Variants in ANKRD44 observed in about 807,000 individuals in gnomAD.
ANKRD44 encodes ankyrin repeat domain 44.
In ANKRD44, 35 loss-of-function variants were observed where a neutral mutation model predicts 116.0. The ratio of observed to expected loss-of-function variants is 0.30; its 90% CI spans 0.23 to 0.40. The LOEUF (loss-of-function observed/expected upper bound fraction) is 0.40, where lower values mean the gene tolerates loss of function less well. Among genes scored for constraint, ANKRD44 ranks in the 10% least tolerant of loss-of-function variants. The probability of loss-of-function intolerance (pLI) is 1.00; values close to 1 mark genes in which losing one functional copy is unlikely to be tolerated. For synonymous variants in ANKRD44, 435 were observed against 461.8 expected, an observed-to-expected ratio of 0.94 and a Z score of 0.74; for missense variants, 1,014 against 1,242.6, an observed-to-expected ratio of 0.82 and a Z score of 2.77.
At chr2:196,977,859 C>T (rs2125862783) in intron 21 of ANKRD44, among the ~76,000 whole-genome samples, 1 of 152,130 alleles carries the variant, frequency 6.6e-6, no homozygotes, top group African/African-American at 2.4e-5. Flanking sequence ...TAGGTATATA[C>T]ACAAGAAATC....
intron 13 of ANKRD44, 68 bp downstream of exon 13, chr2:197,086,612 A>G (rs1332061507): frequency 2.1e-6 from 3 of 1,461,078 alleles, no homozygotes; most frequent in Admixed American, 3.5e-5. Context: ...ACCTAACTTG[A>G]TTACTACATA....
At chr2:197,009,724 T>A (rs2125915369) in intron 18 of ANKRD44, among the ~76,000 whole-genome samples, 1 of 152,264 alleles carries the variant, frequency 6.6e-6, no homozygotes, top group South Asian at 2.1e-4. Flanking sequence ...TGCCGCTGGA[T>A]CCCCCTCGGC....
At chr2:197,019,283 A>G (rs765433415) in intron 17 of ANKRD44, among the ~76,000 whole-genome samples, 5 of 152,218 alleles carry the variant, frequency 3.3e-5, no homozygotes, top group African/African-American at 1.2e-4. Context: ...GCATTTCTAA[A>G]ATAAATTGCT....
chr2:196,987,729 C>G lies in ANKRD44; in HGVS notation c.*1862G>C, dbSNP rs1458667488. 3.2e-5 allele frequency: 32 copies of G among 985,268 alleles called. No homozygotes were observed. Among genetic ancestry groups the G allele is most frequent in the Non-Finnish European group, 3.6e-5 (30 of 829,928 alleles). The allele number at this position is 985,268 out of a possible 1,614,324, so 61.0% of individuals were successfully genotyped here. On this transcript the variant is annotated 3_prime_UTR_variant, in exon 28 of 28. Coordinates refer to ENST00000282272, the MANE Select transcript of ANKRD44 (RefSeq NM_001195144.2). The stretch of plus-strand genomic sequence containing the variant: ...TGTATTTAGCAAAGACAGGCAGACA[C>G]TGGCAAATAAGTAAGTGCAATGAAA...
rs368085985 is a variant in ANKRD44, at chr2:197,083,517, A to G, written c.1317-8T>C. Reference sequence around the variant, plus strand: ...GCATAGTGCAAAGGGGTCCTGAAAAACAAACAGCAATTTATTACTCCATTC... The same window carrying G: ...GCATAGTGCAAAGGGGTCCTGAAAAGCAAACAGCAATTTATTACTCCATTC... On this transcript the variant is annotated splice_polypyrimidine_tract_variant and splice_region_variant and intron_variant, in intron 13 of 27. Transcript: ENST00000282272. The G allele has an allele frequency of 1.9e-6, 3 of 1,608,530 alleles. No homozygotes were observed. Among genetic ancestry groups the G allele is most frequent in the African/African-American group, 1.3e-5 (1 of 74,856 alleles).
intron 1 of ANKRD44, among the ~76,000 whole-genome samples, chr2:197,309,701 T>C (rs2084183974): frequency 6.6e-6 from 1 of 152,210 alleles, no homozygotes; most frequent in African/African-American, 2.4e-5. Context: ...CGTTTCCTTT[T>C]TTCGTGGAAA....
rs182272539 is a variant in ANKRD44, at chr2:197,220,109, A to T, written c.28-33003T>A. Among the ~76,000 whole-genome samples, 106 of 152,368 alleles carry T rather than the reference A, an allele frequency of 7.0e-4. No individual in the cohort carries two copies. The Middle Eastern group carries it at 0.01, about 15-fold the overall frequency. ...AATCTAAAAAACTTACACAAGAATG[A>T]AAGTGTACAATATTTTTAAATGTAG... On this transcript the variant is annotated intron_variant, in intron 1 of 27. Transcript: ENST00000282272.
intron 1 of ANKRD44, among the ~76,000 whole-genome samples, chr2:197,202,927 T>G (rs1017264767): frequency 6.6e-6 from 1 of 152,028 alleles, no homozygotes; most frequent in African/African-American, 2.4e-5. Context: ...TGGCTGATGT[T>G]TTTTGGCTGG....
intron 16 of ANKRD44, among the ~76,000 whole-genome samples, chr2:197,047,166 A>C (rs1460957606): frequency 1.3e-5 from 2 of 152,046 alleles, no homozygotes; most frequent in Non-Finnish European, 2.9e-5. Context: ...TTACAAGCAC[A>C]CACCACAATG....
intron 1 of ANKRD44, among the ~76,000 whole-genome samples, chr2:197,237,776 TG>T (rs1181062007): frequency 6.6e-6 from 1 of 152,256 alleles, no homozygotes; most frequent in Admixed American, 6.5e-5. Flanking sequence ...AAAATAATTT[TG>T]TCATGAAAGG....
At chr2:197,166,882 C>T (rs973514190) in intron 2 of ANKRD44, among the ~76,000 whole-genome samples, 1 of 152,160 alleles carries the variant, frequency 6.6e-6, no homozygotes, top group Non-Finnish European at 1.5e-5. Flanking sequence ...CATTTAGGAA[C>T]CAAATATTTT....
At chr2:197,179,786 A>G (rs537630449) in intron 2 of ANKRD44, among the ~76,000 whole-genome samples, 1 of 152,266 alleles carries the variant, frequency 6.6e-6, no homozygotes, top group South Asian at 2.1e-4. Flanking sequence ...TGCAAACCAG[A>G]CCTGCCTTTG....
At chr2:197,085,429 C>T (rs188800741) in intron 13 of ANKRD44, among the ~76,000 whole-genome samples, 2 of 152,274 alleles carry the variant, frequency 1.3e-5, no homozygotes, top group East Asian at 1.9e-4. Context: ...ACCTACTGGG[C>T]TGCATTCCCA....
intron 27 of ANKRD44, chr2:196,990,506 T>G: frequency 8.1e-7 from 1 of 1,227,154 alleles, no homozygotes; most frequent in Non-Finnish European, 1.0e-6. Flanking sequence ...TGGGGCCATC[T>G]GTGTGACTGT....
At chr2:197,083,289 G>A in intron 14 of ANKRD44, 80 bp downstream of exon 14, 1 of 1,489,632 alleles carries the variant, frequency 6.7e-7, no homozygotes, top group South Asian at 1.4e-5. Flanking sequence ...CCATGAGGCG[G>A]TATGAAGAAA....
At chr2:197,106,529 C>T (rs1173878642) in intron 9 of ANKRD44, among the ~76,000 whole-genome samples, 2 of 152,126 alleles carry the variant, frequency 1.3e-5, no homozygotes, top group Non-Finnish European at 1.5e-5. Flanking sequence ...GTGGCTCACG[C>T]CTGTAATCCC....
chr2:197,034,393 G>A (rs1035756465), intron 16 of ANKRD44, among the ~76,000 whole-genome samples: 8 of 150,588 alleles, frequency 5.3e-5, no homozygotes, highest in Admixed American at 2.0e-4. Flanking sequence ...CATGGTTACC[G>A]ACATTTACAC....
intron 21 of ANKRD44, among the ~76,000 whole-genome samples, chr2:197,004,903 C>T (rs1478933340): frequency 6.6e-6 from 1 of 151,986 alleles, no homozygotes; most frequent in Non-Finnish European, 1.5e-5. Flanking sequence ...ATACATATTG[C>T]TATGAAATAA....
chr2:197,146,366 CAT>C (rs929234699), intron 3 of ANKRD44, among the ~76,000 whole-genome samples: 2 of 152,164 alleles, frequency 1.3e-5, no homozygotes, highest in Non-Finnish European at 2.9e-5. Context: ...GCTTTCATCA[CAT>C]AGTCACAGTC....
Sources: gnomAD v4.1 joint callset for allele counts (sites outside exome capture counted in the v4.1 genomes callset) on GRCh38, gnomAD v4.1.1 for gene constraint, MANE v1.5 for transcripts, NCBI Gene and HGNC (gene_info 2026-07-23, HGNC 2026-07-21) for gene names.